Variants in NLGN1 observed in about 807,000 individuals in gnomAD.
NLGN1 encodes neuroligin 1.
A neutral mutation model predicts 65.5 loss-of-function variants in NLGN1; 12 were observed. That is an observed-to-expected ratio of 0.18 (90% CI 0.12 to 0.30). The LOEUF is 0.30. NLGN1 is among the 10% of genes least tolerant of loss of function. NLGN1 has a pLI of 1.00. For synonymous variants in NLGN1, 350 were observed against 359.5 expected (o/e 0.97, Z 0.30); for missense variants, 750 against 1,007.1 (o/e 0.74, Z 3.46).
intron 3 of NLGN1, among the ~76,000 whole-genome samples, chr3:173,622,574 TA>T (rs1754172912): frequency 6.6e-6 from 1 of 150,422 alleles, no homozygotes. Flanking sequence ...ATAGTCCCGG[TA>T]AAAAGAGGAG....
intron 2 of NLGN1, among the ~76,000 whole-genome samples, chr3:173,600,461 A>G (rs1750299764): frequency 6.6e-6 from 1 of 152,048 alleles, no homozygotes; most frequent in Non-Finnish European, 1.5e-5. Context: ...TGAGGGACAT[A>G]AAGATATTTT....
At chr3:173,421,312 G>C (rs1184895978) in intron 1 of NLGN1, among the ~76,000 whole-genome samples, 1 of 151,870 alleles carries the variant, frequency 6.6e-6, no homozygotes, top group Middle Eastern at 3.2e-3. Context: ...TTAAAAGTAA[G>C]TTGCCCATCT....
intron 3 of NLGN1, among the ~76,000 whole-genome samples, chr3:173,683,772 G>T (rs940134885): frequency 1.3e-5 from 2 of 152,096 alleles, no homozygotes; most frequent in African/African-American, 4.8e-5. Context: ...GTGTGGAAGG[G>T]TGGGTCAGGT....
At chr3:173,724,289 T>C (rs1771383669) in intron 3 of NLGN1, among the ~76,000 whole-genome samples, 1 of 152,216 alleles carries the variant, frequency 6.6e-6, no homozygotes, top group Admixed American at 6.5e-5. Flanking sequence ...ATTCACACTT[T>C]TTTTGAGACG....
At chr3:173,514,850 G>T (rs1482309762) in intron 2 of NLGN1, among the ~76,000 whole-genome samples, 1 of 152,018 alleles carries the variant, frequency 6.6e-6, no homozygotes. Flanking sequence ...TTCTTTTCTA[G>T]GGCTGAATAG....
Position 174,005,853 on chromosome 3 carries a change from C to T in NLGN1, c.646+198021C>T, listed in dbSNP as rs1002052582. 3.3e-5 allele frequency among the ~76,000 whole-genome samples: 5 copies of T among 151,926 alleles called. No individual in the cohort carries two copies. The East Asian group carries it at 9.7e-4, about 29-fold the overall frequency. On this transcript the variant is annotated intron_variant, in intron 4 of 6. Transcript: ENST00000457714. ...TCGTCTATCTGTGTCCTGTTTTTCCCGTCTGTATGATGGGGATTATATCTA... is the reference window on the plus strand; with the variant it reads ...TCGTCTATCTGTGTCCTGTTTTTCCTGTCTGTATGATGGGGATTATATCTA...
chr3:173,503,498 G>A (rs1338498669), intron 2 of NLGN1, among the ~76,000 whole-genome samples: 1 of 152,070 alleles, frequency 6.6e-6, no homozygotes, highest in African/African-American at 2.4e-5. Flanking sequence ...AAACGAAGTT[G>A]TACATGAGAA....
chr3:174,036,596 T>C (rs1731186050), intron 4 of NLGN1, among the ~76,000 whole-genome samples: 1 of 151,412 alleles, frequency 6.6e-6, no homozygotes, highest in African/African-American at 2.4e-5. Flanking sequence ...TTTTTTTTTT[T>C]TTTCAAATTT....
chr3:173,600,061 T>C (rs1351759146), intron 2 of NLGN1, among the ~76,000 whole-genome samples: 5 of 152,110 alleles, frequency 3.3e-5, no homozygotes, highest in African/African-American at 1.2e-4. Flanking sequence ...CACTTAATGC[T>C]TTAGAACCTC....
chr3:173,875,038 A>G (rs1168859587), intron 4 of NLGN1, among the ~76,000 whole-genome samples: 1 of 152,186 alleles, frequency 6.6e-6, no homozygotes, highest in Non-Finnish European at 1.5e-5. Flanking sequence ...TTGGTTTTCA[A>G]AGTAATATAC....
At chr3:173,588,239 T>TA (rs891956076) in intron 2 of NLGN1, among the ~76,000 whole-genome samples, 1 of 152,216 alleles carries the variant, frequency 6.6e-6, no homozygotes, top group Non-Finnish European at 1.5e-5. Flanking sequence ...ATGAGGTAGC[T>TA]AACCATATAA....
intron 4 of NLGN1, among the ~76,000 whole-genome samples, chr3:173,832,142 A>G (rs1029048782): frequency 1.9e-4 from 27 of 138,780 alleles, no homozygotes; most frequent in Non-Finnish European, 4.0e-4. Flanking sequence ...AAAAAAAAAA[A>G]CTGTAGAGAC....
At chr3:174,118,193 T>G (rs1015498101) in intron 4 of NLGN1, among the ~76,000 whole-genome samples, 6 of 152,190 alleles carry the variant, frequency 3.9e-5, no homozygotes, top group African/African-American at 1.4e-4. Flanking sequence ...AGCAAGCATT[T>G]TCTCTAAATT....
intron 4 of NLGN1, among the ~76,000 whole-genome samples, chr3:173,962,751 C>T (rs1318925945): frequency 2.0e-5 from 3 of 152,126 alleles, no homozygotes; most frequent in Non-Finnish European, 4.4e-5. Flanking sequence ...CCAATAACTA[C>T]AAAGTTATCC....
chr3:173,760,802 A>G (rs1221797910), intron 3 of NLGN1, among the ~76,000 whole-genome samples: 1 of 152,054 alleles, frequency 6.6e-6, no homozygotes, highest in Non-Finnish European at 1.5e-5. Context: ...AGGTTTTGAG[A>G]TGTAGATTTT....
At chr3:173,568,994 A>G (rs949807584) in intron 2 of NLGN1, among the ~76,000 whole-genome samples, 4 of 152,080 alleles carry the variant, frequency 2.6e-5, no homozygotes, top group African/African-American at 7.2e-5. Context: ...TCTTTCTTCA[A>G]CACTCTGTGT....
intron 4 of NLGN1, among the ~76,000 whole-genome samples, chr3:173,843,791 C>A (rs1725244258): frequency 6.6e-6 from 1 of 152,148 alleles, no homozygotes. Flanking sequence ...TTCTTCTGAG[C>A]TCTCCAAACT....
At chr3:174,286,078 G>A (rs1752079324) in exon 7 of NLGN1, 1 of 151,236 alleles carries the variant, frequency 6.6e-6, no homozygotes, top group Non-Finnish European at 1.5e-5. Flanking sequence ...TTTGAAAGAA[G>A]TCTGAAGCTA....
rs1745148779 is a variant in NLGN1, at chr3:174,094,746, T to TAACAAAAA, written c.647-180567_647-180566insCAAAAAAA. 4.5e-5 allele frequency among the ~76,000 whole-genome samples: 4 copies of TAACAAAAA among 88,908 alleles called. No individual in the cohort carries two copies. In the South Asian group the frequency reaches 1.8e-3, roughly 40 times the overall value. The allele number at this position is 88,908 out of a possible 152,430, so 58.3% of individuals were successfully genotyped here. ...CCTGCTCATTGTTCCTTGGCTCCGCTAAAAAAAAAAAAAAAAAAAAAAAGT... is the reference window on the plus strand; with the variant it reads ...CCTGCTCATTGTTCCTTGGCTCCGCTAACAAAAAAAAAAAAAAAAAAAAAAAAAAAAGT... On this transcript the variant is annotated intron_variant, in intron 4 of 6. Coordinates refer to ENST00000457714, the Ensembl canonical transcript of NLGN1.
Sources: gnomAD v4.1 joint callset for allele counts (sites outside exome capture counted in the v4.1 genomes callset) on GRCh38, gnomAD v4.1.1 for gene constraint, MANE v1.5 for transcripts, NCBI Gene and HGNC (gene_info 2026-07-23, HGNC 2026-07-21) for gene names.